The following DOCK3 variants were observed in gnomAD, a reference collection of about 807,000 sequenced individuals.
The protein encoded by DOCK3 is dedicator of cytokinesis protein 3.
Under a neutral mutation model 265.6 loss-of-function variants are expected in DOCK3, and 60 were observed. The observed-to-expected ratio is 0.23, with a 90% CI of 0.18 to 0.28. The LOEUF (loss-of-function observed/expected upper bound fraction) is 0.28. Ranked by LOEUF, DOCK3 falls within the 10% of genes least tolerant of loss-of-function variation. The pLI, the probability that DOCK3 is intolerant of heterozygous loss-of-function variation, is 1.00. For missense variants in DOCK3, 1,981 were observed against 2,594.3 expected (o/e 0.76, Z 5.14); for synonymous variants, 881 against 938.0 (o/e 0.94, Z 1.11).
intron 5 of DOCK3, among the ~76,000 whole-genome samples, chr3:50,954,815 C>G (rs2076686079): frequency 6.6e-6 from 1 of 152,160 alleles, no homozygotes; most frequent in South Asian, 2.1e-4. Context: ...TGTGCAGAAG[C>G]TGTTAAGTTT....
At chr3:50,869,216 T>C (rs71329014) in intron 3 of DOCK3, among the ~76,000 whole-genome samples, 15,027 of 151,560 alleles carry the variant, frequency 0.099, 934 homozygotes, top group Non-Finnish European at 0.13. Flanking sequence ...CCTCATGATC[T>C]GCCCACCTTG....
At chr3:50,965,111 C>A (rs992751473) in intron 5 of DOCK3, among the ~76,000 whole-genome samples, 1 of 152,062 alleles carries the variant, frequency 6.6e-6, no homozygotes, top group Non-Finnish European at 1.5e-5. Context: ...GAGTTCACAT[C>A]ATATAAAGTA....
intron 35 of DOCK3, among the ~76,000 whole-genome samples, chr3:51,337,351 T>C (rs1055859588): frequency 6.6e-6 from 1 of 152,188 alleles, no homozygotes; most frequent in Non-Finnish European, 1.5e-5. Flanking sequence ...AGAGGCTCAG[T>C]GACTTGGCCT....
chr3:51,150,856 C>T (rs980821309), intron 10 of DOCK3, among the ~76,000 whole-genome samples: 1 of 152,154 alleles, frequency 6.6e-6, no homozygotes, highest in Admixed American at 6.5e-5. Context: ...ATTTGGTCCA[C>T]TTGGTGCAGA....
chr3:51,226,372 A>G (rs1398977588), intron 15 of DOCK3, among the ~76,000 whole-genome samples: 1 of 152,188 alleles, frequency 6.6e-6, no homozygotes, highest in Non-Finnish European at 1.5e-5. Flanking sequence ...ACAAGGCATC[A>G]TTTGCAGCCC....
At chr3:50,894,067 C>A (rs1030296893) in intron 4 of DOCK3, among the ~76,000 whole-genome samples, 2 of 151,734 alleles carry the variant, frequency 1.3e-5, no homozygotes, top group Non-Finnish European at 2.9e-5. Flanking sequence ...CAACATGGCA[C>A]TTGTATACCT....
intron 1 of DOCK3, among the ~76,000 whole-genome samples, chr3:50,716,413 A>C (rs1011282232): frequency 9.2e-5 from 14 of 152,072 alleles, no homozygotes; most frequent in African/African-American, 3.1e-4. Flanking sequence ...CTGTAGTCCC[A>C]GTTACTTGGG....
intron 13 of DOCK3, among the ~76,000 whole-genome samples, chr3:51,209,439 T>G (rs1371198532): frequency 6.6e-6 from 1 of 152,234 alleles, no homozygotes; most frequent in Non-Finnish European, 1.5e-5. Context: ...ATAATCTCAG[T>G]GCAGTTCTAC....
chr3:50,818,332 A>T (rs2044208987), intron 2 of DOCK3, among the ~76,000 whole-genome samples: 1 of 152,164 alleles, frequency 6.6e-6, no homozygotes, highest in Non-Finnish European at 1.5e-5. Context: ...TTGTAATGGG[A>T]ATTGACTCTT....
chr3:50,778,815 C>T lies in DOCK3; in HGVS notation c.121+57C>T, dbSNP rs1240836115. 72 of 1,227,936 alleles carry T rather than the reference C, an allele frequency of 5.9e-5. 1 individual carries two copies. In the Middle Eastern group the frequency reaches 2.1e-3, roughly 36 times the overall value. 76.1% of individuals were successfully genotyped at this position (1,227,936 alleles called of 1,614,324 possible). On this transcript the variant is annotated intron_variant, in intron 2 of 52. Coordinates refer to ENST00000266037, the MANE Select transcript of DOCK3 (RefSeq NM_004947.5). ...TGATCATTTTTGGCAGTATTATATA[C>T]ATTTATTTTGTGCTAATAAGATTAT...
chr3:50,811,694 A>G (rs1339344310), intron 2 of DOCK3, among the ~76,000 whole-genome samples: 1 of 152,190 alleles, frequency 6.6e-6, no homozygotes, highest in Non-Finnish European at 1.5e-5. Context: ...AGCTGTCTTC[A>G]TCAAATCATT....
At chr3:50,911,467 A>G (rs762525486) in intron 4 of DOCK3, among the ~76,000 whole-genome samples, 2 of 152,086 alleles carry the variant, frequency 1.3e-5, no homozygotes, top group Non-Finnish European at 2.9e-5. Context: ...AGTTGACTTC[A>G]TATGTGTGGA....
intron 12 of DOCK3, among the ~76,000 whole-genome samples, chr3:51,174,353 C>A (rs563452219): frequency 6.6e-6 from 1 of 152,056 alleles, no homozygotes; most frequent in Non-Finnish European, 1.5e-5. Flanking sequence ...CCTATAATCC[C>A]AGCTACTTGG....
At chr3:50,987,685 C>T (rs900443197) in intron 5 of DOCK3, among the ~76,000 whole-genome samples, 13 of 152,122 alleles carry the variant, frequency 8.5e-5, no homozygotes, top group Non-Finnish European at 1.5e-4. Context: ...AACAATTTGA[C>T]GCATGGAGAA....
intron 5 of DOCK3, among the ~76,000 whole-genome samples, chr3:50,985,125 T>G (rs902499857): frequency 2.0e-5 from 3 of 152,240 alleles, no homozygotes. Context: ...TTATGAGACT[T>G]ACTTCTTTCA....
intron 39 of DOCK3, among the ~76,000 whole-genome samples, chr3:51,349,352 T>C (rs1472198148): frequency 6.6e-6 from 1 of 152,226 alleles, no homozygotes; most frequent in Non-Finnish European, 1.5e-5. Flanking sequence ...TGATGCAGAA[T>C]ATTAAAAAAT....
At chr3:50,838,909 T>C (rs1040495527) in intron 2 of DOCK3, among the ~76,000 whole-genome samples, 4 of 152,194 alleles carry the variant, frequency 2.6e-5, no homozygotes, top group Non-Finnish European at 4.4e-5. Flanking sequence ...GAGTTGCAGT[T>C]TTAAGAAAAG....
intron 2 of DOCK3, among the ~76,000 whole-genome samples, chr3:50,792,364 T>C (rs1211585470): frequency 6.6e-6 from 1 of 152,162 alleles, no homozygotes; most frequent in African/African-American, 2.4e-5. Context: ...GGGCTGACAC[T>C]GTGGGGTTTT....
In DOCK3 at chr3:51,246,805, C is replaced by T. The variant is rs1299058892; in HGVS notation, c.2182C>T (p.Arg728Trp). Residue 728 changes from arginine to tryptophan, a missense_variant and splice_region_variant, in exon 22 of 53, where the codon CGG (arginine) becomes TGG (tryptophan). Arg to Trp is a moderately radical substitution (Grantham distance 101). This residue lies in a region of DOCK3 where 1,357 missense variants were observed against 1,866.8 expected (regional missense o/e 0.73). Coordinates refer to ENST00000266037, the MANE Select transcript of DOCK3 (RefSeq NM_004947.5). ...ACAGGACCACATTCAAGAAGCTATG[C>T]GGGTAATGTACTAACCTCTCCATAC... ...IRQDHIQEAMRALEYLFKFIV... is the reference protein window; with the variant it reads ...IRQDHIQEAMWALEYLFKFIV... 3 of 1,612,084 alleles carry T rather than the reference C, an allele frequency of 1.9e-6. No individual in the cohort carries two copies. The highest frequency in any genetic ancestry group is 2.2e-5 in the East Asian group (1 of 44,866).
Sources: allele counts gnomAD v4.1 joint callset (sites outside exome capture counted in the v4.1 genomes callset), GRCh38; gene constraint gnomAD v4.1.1; regional missense constraint gnomAD v4.1.1; transcripts MANE v1.5; gene names NCBI Gene and HGNC (gene_info 2026-07-23, HGNC 2026-07-21).